The following VAC14 variants were observed in gnomAD, a reference collection of about 807,000 sequenced individuals.
VAC14 encodes VAC14 component of PIKFYVE complex.
In VAC14, 47 loss-of-function variants were observed where a neutral mutation model predicts 85.3. The ratio of observed to expected loss-of-function variants is 0.55; its 90% CI spans 0.44 to 0.70. The LOEUF (loss-of-function observed/expected upper bound fraction) is 0.70, where lower values mean the gene tolerates loss of function less well. VAC14 is among the 30% of genes least tolerant of loss of function. VAC14 has a pLI of 0.00. For synonymous variants in VAC14, 447 were observed against 430.5 expected (o/e 1.04, Z -0.47); for missense variants, 861 against 1,004.3 (o/e 0.86, Z 1.93).
intron 13 of VAC14, among the ~76,000 whole-genome samples, chr16:70,742,316 C>T (rs2030402487): frequency 6.6e-6 from 1 of 152,196 alleles, no homozygotes; most frequent in East Asian, 1.9e-4. Context: ...CCGGTCAGTT[C>T]TTGCTGCTCC....
intron 17 of VAC14, among the ~76,000 whole-genome samples, chr16:70,695,010 T>C (rs1197822383): frequency 1.3e-5 from 2 of 152,114 alleles, no homozygotes; most frequent in Non-Finnish European, 2.9e-5. Context: ...CTGGCTCATG[T>C]CCAGGAGACT....
rs184616698 is a variant in VAC14, at chr16:70,737,542, T to C, written c.1529-5915A>G. Among the ~76,000 whole-genome samples the C allele has an allele frequency of 3.3e-5, 5 of 152,266 alleles. No homozygotes were observed. The East Asian group carries it at 9.7e-4, about 29-fold the overall frequency. ...TGAAGGCCACTGTGCCTTGTATTTC[T>C]GGTTTGGGCAAGTGAGGAGCCTGCC... On this transcript the variant is annotated intron_variant, in intron 13 of 18. Coordinates refer to ENST00000261776, the MANE Select transcript of VAC14 (RefSeq NM_018052.5).
At chr16:70,784,896 G>C in intron 3 of VAC14, 58 bp from the exon 4 acceptor site, 1 of 1,499,776 alleles carries the variant, frequency 6.7e-7, no homozygotes, top group Middle Eastern at 1.8e-4. Context: ...TTGGATGCAA[G>C]ACCAGGGATT....
intron 14 of VAC14, among the ~76,000 whole-genome samples, chr16:70,729,640 T>C (rs2054532410): frequency 6.6e-6 from 1 of 152,042 alleles, no homozygotes; most frequent in Admixed American, 6.6e-5. Context: ...CCCTTCGTCA[T>C]AGCCTCCTTT....
chr16:70,773,708 C>T (rs1225002341), intron 9 of VAC14, among the ~76,000 whole-genome samples: 1 of 151,962 alleles, frequency 6.6e-6, no homozygotes, highest in East Asian at 1.9e-4. Context: ...CTTTTTATAC[C>T]CTTTAGCCAG....
chr16:70,772,385 C>A, intron 9 of VAC14: 1 of 546,774 alleles, frequency 1.8e-6, no homozygotes, highest in East Asian at 3.0e-5. Flanking sequence ...TCACAGTGAT[C>A]TCACAAGGAG....
chr16:70,777,988 C>A (rs1423040057), intron 9 of VAC14, among the ~76,000 whole-genome samples: 2 of 152,140 alleles, frequency 1.3e-5, no homozygotes, highest in Non-Finnish European at 2.9e-5. Flanking sequence ...TAGTTAGTTA[C>A]AAGCTAAGCA....
At chr16:70,783,266 G>C in intron 6 of VAC14, 127 bp from the exon 7 acceptor site, 4 of 1,114,550 alleles carry the variant, frequency 3.6e-6, no homozygotes, top group Non-Finnish European at 5.2e-6. Context: ...CTTGTCAGGT[G>C]ATCATTTTCA....
rs537207232 is a variant in VAC14 at position 70,786,204 on chromosome 16, G to A, written c.255+11C>T. 1.2e-6 allele frequency: 2 copies of A among 1,613,272 alleles called. No homozygotes were observed. Among genetic ancestry groups the A allele is most frequent in the African/African-American group, 2.7e-5 (2 of 75,070 alleles). ...GGACTGGTATGTCTGTCCCTTGGGT[G>A]AAAGGCCCACCTTGCCCAGTGCGAT... On this transcript the variant is annotated intron_variant, in intron 2 of 18. Coordinates refer to ENST00000261776, the MANE Select transcript of VAC14 (RefSeq NM_018052.5).
chr16:70,771,073 G>A (rs1390666175), intron 10 of VAC14: 3 of 152,172 alleles, frequency 2.0e-5, no homozygotes, highest in Non-Finnish European at 2.9e-5. Flanking sequence ...CCCTGTATGA[G>A]ACCCACCATC....
At chr16:70,782,189 G>A (rs546731879) in intron 7 of VAC14, among the ~76,000 whole-genome samples, 186 bp from the exon 8 acceptor site, 76 of 152,348 alleles carry the variant, frequency 5.0e-4, no homozygotes, top group Non-Finnish European at 9.0e-4. Flanking sequence ...AGGCTGGGAC[G>A]GAGCAACAAT....
intron 7 of VAC14, 37 bp downstream of exon 7, chr16:70,782,996 T>G (rs770177357): frequency 2.5e-6 from 4 of 1,583,840 alleles, no homozygotes; most frequent in Non-Finnish European, 3.5e-6. Flanking sequence ...GCAGCAGCAG[T>G]GGCAGCCGTG....
intron 18 of VAC14, among the ~76,000 whole-genome samples, chr16:70,692,296 C>T (rs2053611653): frequency 6.6e-6 from 1 of 151,660 alleles, no homozygotes; most frequent in African/African-American, 2.4e-5. Context: ...ACCCCTGCCT[C>T]CCACCCCACC....
chr16:70,755,759 G>C (rs1209444151), intron 12 of VAC14, among the ~76,000 whole-genome samples: 1 of 152,202 alleles, frequency 6.6e-6, no homozygotes, highest in Non-Finnish European at 1.5e-5. Context: ...GGCCGTCATT[G>C]GCTCTCTAAG....
chr16:70,713,709 GTT>G (rs34017623), intron 14 of VAC14, among the ~76,000 whole-genome samples: 52 of 133,696 alleles, frequency 3.9e-4, no homozygotes, highest in African/African-American at 6.7e-4. Context: ...CTTTGTTTTT[GTT>G]TTTTTTTTTT....
rs545195840 is a variant in VAC14, at chr16:70,713,323, C to T, written c.1662-14512G>A. On this transcript the variant is annotated intron_variant, in intron 14 of 18. Coordinates refer to ENST00000261776, the MANE Select transcript of VAC14 (RefSeq NM_018052.5). ...GCGAACAGCCTGGCTATGACGGGCG[C>T]GCTGCAGCCACCAGCATAGAGCAGG... 6.6e-4 allele frequency among the ~76,000 whole-genome samples: 100 copies of T among 152,344 alleles called. 1 individual carries two copies. The South Asian group carries it at 0.02, about 31-fold the overall frequency.
intron 8 of VAC14, 97 bp downstream of exon 8, chr16:70,781,772 G>T (rs2033822543): frequency 1.3e-6 from 2 of 1,489,480 alleles, no homozygotes; most frequent in Non-Finnish European, 1.8e-6. Context: ...AAGTGTGATG[G>T]ATCCTAAGAG....
intron 9 of VAC14, among the ~76,000 whole-genome samples, chr16:70,779,832 TTTC>T (rs2033717570): frequency 6.6e-6 from 1 of 151,636 alleles, no homozygotes; most frequent in African/African-American, 2.4e-5. Flanking sequence ...ATAAATGTGG[TTTC>T]TTTTTTCTTT....
intron 12 of VAC14, among the ~76,000 whole-genome samples, chr16:70,757,977 T>C (rs376283499): frequency 2.0e-4 from 31 of 152,322 alleles, no homozygotes; most frequent in African/African-American, 4.8e-4. Flanking sequence ...CCAAAGCCCG[T>C]GCTCTTAACC....
Sources: allele counts gnomAD v4.1 joint callset (sites outside exome capture counted in the v4.1 genomes callset), GRCh38; gene constraint gnomAD v4.1.1; transcripts MANE v1.5; gene names NCBI Gene and HGNC (gene_info 2026-07-23, HGNC 2026-07-21).